The following GALC variants were observed in gnomAD, a reference collection of about 807,000 sequenced individuals.
GALC encodes the protein galactosylceramidase, also known as galactocerebrosidase.
Under a neutral mutation model 91.8 loss-of-function variants are expected in GALC, and 77 were observed. That is an observed-to-expected ratio of 0.84 (90% confidence interval 0.70 to 1.01). GALC has a LOEUF of 1.01. GALC is among the 50% of genes least tolerant of loss of function. The probability of loss-of-function intolerance (pLI) is 0.00; values close to 1 mark genes in which losing one functional copy is unlikely to be tolerated. For missense variants in GALC, 882 were observed against 855.9 expected, an observed-to-expected ratio of 1.03 and a Z score of -0.38; for synonymous variants, 357 against 306.7, an observed-to-expected ratio of 1.16 and a Z score of -1.71.
intron 10 of GALC, among the ~76,000 whole-genome samples, chr14:87,958,353 A>C (rs757153643): frequency 3.3e-5 from 5 of 152,162 alleles, no homozygotes; most frequent in Admixed American, 1.3e-4. Context: ...GCCCCAGAAT[A>C]ATCACTAAAA....
In GALC at chr14:87,937,596, G is replaced by T. The variant is rs1444950564; in HGVS notation, c.1911+2309C>A. Among the ~76,000 whole-genome samples, 3 of 151,858 alleles carry T rather than the reference G, an allele frequency of 2.0e-5. No individual in the cohort carries two copies. The East Asian group carries it at 5.9e-4, about 30-fold the overall frequency. ...AAGTAATGAATCACATTGTATTAAAGACACACCAGAAGAAACAGCTAAAAT... is the reference window on the plus strand; with the variant it reads ...AAGTAATGAATCACATTGTATTAAATACACACCAGAAGAAACAGCTAAAAT... On this transcript the variant is annotated intron_variant, in intron 16 of 16. Coordinates refer to ENST00000261304, the MANE Select transcript of GALC (RefSeq NM_000153.4).
intron 1 of GALC, among the ~76,000 whole-genome samples, chr14:87,991,240 T>C (rs1251021504): frequency 6.6e-6 from 1 of 152,214 alleles, no homozygotes; most frequent in Non-Finnish European, 1.5e-5. Flanking sequence ...TCTCACTCTG[T>C]CGCCCAGGCT....
intron 16 of GALC, among the ~76,000 whole-genome samples, chr14:87,937,108 G>A (rs1884607489): frequency 1.3e-5 from 2 of 151,750 alleles, no homozygotes; most frequent in Middle Eastern, 3.4e-3. Context: ...ACAGGTGGCT[G>A]ATAGTCAGTG....
At chr14:87,942,005 GC>G (rs1190395684) in intron 14 of GALC, among the ~76,000 whole-genome samples, 9 of 152,012 alleles carry the variant, frequency 5.9e-5, no homozygotes, top group Admixed American at 3.3e-4. Context: ...GAGAACACAA[GC>G]TATTCCGGGG....
At chr14:87,985,669 T>G (rs893079072) in intron 4 of GALC, among the ~76,000 whole-genome samples, 1 of 152,264 alleles carries the variant, frequency 6.6e-6, no homozygotes, top group Non-Finnish European at 1.5e-5. Flanking sequence ...TTTAAATAAC[T>G]AGAAATCAGG....
At chr14:87,952,725 G>A in intron 10 of GALC, 1 of 1,522,694 alleles carries the variant, frequency 6.6e-7, no homozygotes, top group South Asian at 1.1e-5. Flanking sequence ...TTCTTACTTA[G>A]CAAACTGTAT....
intron 10 of GALC, among the ~76,000 whole-genome samples, chr14:87,960,317 G>A (rs1008663503): frequency 2.0e-5 from 3 of 152,204 alleles, no homozygotes; most frequent in South Asian, 2.1e-4. Flanking sequence ...CTATTGGACA[G>A]GAGGTGTAAG....
chr14:87,933,728 A>T lies in GALC; in HGVS notation c.*1004T>A. ...CACATTAATGCTTAGTATAAATCATACAACATGATGAACACGCTCACGTAT... is the reference window on the plus strand; with the variant it reads ...CACATTAATGCTTAGTATAAATCATTCAACATGATGAACACGCTCACGTAT... On this transcript the variant is annotated 3_prime_UTR_variant, in exon 17 of 17. Coordinates refer to ENST00000261304, the MANE Select transcript of GALC (RefSeq NM_000153.4). The T allele has an allele frequency of 2.2e-6, 1 of 453,996 alleles. No homozygotes were observed. The highest frequency in any genetic ancestry group is 3.9e-6 in the Non-Finnish European group (1 of 255,320). 28.1% of individuals were successfully genotyped at this position (453,996 alleles called of 1,614,324 possible).
rs1389188299 is a variant in GALC, at chr14:87,965,509, T to C, written c.1029A>G (p.Val343=). 5.0e-6 allele frequency: 8 copies of C among 1,613,492 alleles called. No homozygotes were observed. The highest frequency in any genetic ancestry group is 5.9e-6 in the Non-Finnish European group (7 of 1,179,538). The stretch of plus-strand genomic sequence containing the variant: ...AGAGATGGAACTGAACCATACCTGA[T>C]ACCCAGACAGGAGATTCTACCACGT... ...GHYVVESPVW[V]SAHTTQFTQP... is the part of the protein sequence containing the mutation. The change falls in exon 9 of 17, where the codon GTA becomes GTG. Residue 343 remains valine (V), a synonymous_variant. Transcript: ENST00000261304.
intron 10 of GALC, among the ~76,000 whole-genome samples, chr14:87,958,894 A>C (rs545435431): frequency 6.6e-6 from 1 of 152,302 alleles, no homozygotes; most frequent in South Asian, 2.1e-4. Flanking sequence ...TAAAACTAGA[A>C]AAAAAACAAA....
At chr14:87,993,492 C>T, upstream of GALC, 4 of 1,535,068 alleles carry the variant, frequency 2.6e-6, no homozygotes, top group Non-Finnish European at 2.6e-6. Context: ...ATGGCTCTTC[C>T]CCAGCATCTC....
At chr14:87,944,326 A>G (rs1305732633) in intron 14 of GALC, among the ~76,000 whole-genome samples, 1 of 151,906 alleles carries the variant, frequency 6.6e-6, no homozygotes, top group Non-Finnish European at 1.5e-5. Context: ...ATTCAAGTGC[A>G]TGGGGTATAG....
At chr14:87,982,283 A>G in intron 5 of GALC, 40 bp from the exon 6 acceptor site, 1 of 1,373,782 alleles carries the variant, frequency 7.3e-7, no homozygotes, top group Non-Finnish European at 1.0e-6. Context: ...ATTGAAAGTT[A>G]CAAAATGTCA....
At chr14:87,963,073 T>C (rs933802265) in intron 10 of GALC, among the ~76,000 whole-genome samples, 7 of 152,070 alleles carry the variant, frequency 4.6e-5, no homozygotes, top group African/African-American at 1.7e-4. Flanking sequence ...AGCCTCCATA[T>C]ACATATCAGG....
At chr14:87,978,424 T>C (rs1258712452) in intron 6 of GALC, among the ~76,000 whole-genome samples, 1 of 152,226 alleles carries the variant, frequency 6.6e-6, no homozygotes, top group Admixed American at 6.5e-5. Context: ...ATCTAGTCTT[T>C]CTAGTCCTAG....
chr14:87,977,077 G>A (rs1886530822), intron 6 of GALC, among the ~76,000 whole-genome samples: 1 of 148,002 alleles, frequency 6.8e-6, no homozygotes, highest in South Asian at 2.1e-4. Flanking sequence ...GTACTACCCT[G>A]AAATAACCAC....
chr14:87,973,064 C>T (rs1350036389), intron 7 of GALC, among the ~76,000 whole-genome samples: 1 of 151,936 alleles, frequency 6.6e-6, no homozygotes, highest in African/African-American at 2.4e-5. Context: ...TCTCTGGAGT[C>T]AAAATTCTCA....
chr14:87,947,904 C>G (rs763708584), intron 12 of GALC, 26 bp from the exon 13 acceptor site: 2 of 1,606,580 alleles, frequency 1.2e-6, no homozygotes, highest in Non-Finnish European at 1.7e-6. Flanking sequence ...CTACTGTATT[C>G]AGGACCAGGT....
intron 11 of GALC, 83 bp downstream of exon 11, chr14:87,950,576 C>T: frequency 1.2e-6 from 1 of 839,354 alleles, no homozygotes; most frequent in South Asian, 1.5e-5. Context: ...TAATATAAGG[C>T]TTCACTTAAG....
Sources: gnomAD v4.1 joint callset for allele counts (sites outside exome capture counted in the v4.1 genomes callset) on GRCh38, gnomAD v4.1.1 for gene constraint, MANE v1.5 for transcripts, NCBI Gene and HGNC (gene_info 2026-07-23, HGNC 2026-07-21) for gene names.